HEATR5B: variants seen among roughly 807,000 people sequenced by gnomAD.
HEATR5B encodes HEAT repeat containing 5B.
A neutral mutation model predicts 224.1 loss-of-function variants in HEATR5B; 156 were observed. The ratio of observed to expected loss-of-function variants is 0.70; its 90% CI spans 0.61 to 0.80. The LOEUF (loss-of-function observed/expected upper bound fraction) is 0.80. HEATR5B is among the 30% of genes least tolerant of loss of function. The pLI, the probability that HEATR5B is intolerant of heterozygous loss-of-function variation, is 0.00. For synonymous variants in HEATR5B, 1,027 were observed against 893.0 expected, an observed-to-expected ratio of 1.15 and a Z score of -2.68; for missense variants, 2,323 against 2,535.5, an observed-to-expected ratio of 0.92 and a Z score of 1.80.
chr2:36,991,473 C>G (rs1256154257), intron 33 of HEATR5B, among the ~76,000 whole-genome samples: 3 of 116,464 alleles, frequency 2.6e-5, no homozygotes, highest in South Asian at 2.8e-4. Flanking sequence ...CCAGCCTGGG[C>G]AACAAAAGCG....
chr2:37,032,955 A>G (rs1164421069), intron 21 of HEATR5B, among the ~76,000 whole-genome samples, 182 bp from the exon 22 acceptor site: 2 of 150,624 alleles, frequency 1.3e-5, no homozygotes, highest in African/African-American at 4.9e-5. Context: ...ATCTCAGCTC[A>G]CTGCAACCTC....
At chr2:36,996,116 A>C (rs1354463698) in intron 33 of HEATR5B, among the ~76,000 whole-genome samples, 2 of 149,724 alleles carry the variant, frequency 1.3e-5, no homozygotes, top group Non-Finnish European at 3.0e-5. Flanking sequence ...GCTGGAGTGC[A>C]GTGGCGCGAT....
chr2:37,015,713 T>C (rs17020128), intron 26 of HEATR5B, among the ~76,000 whole-genome samples: 2,728 of 152,298 alleles, frequency 0.018, 219 homozygotes, highest in Admixed American at 0.15. Context: ...ATTTTGAACA[T>C]TTTTACATGC....
At chr2:37,066,054 T>C (rs763265602) in intron 8 of HEATR5B, 144 bp from the exon 9 acceptor site, 41 of 651,584 alleles carry the variant, frequency 6.3e-5, no homozygotes, top group Non-Finnish European at 8.6e-5. Context: ...AGAAAACTTG[T>C]AGAACTAAAC....
At chr2:37,005,825 A>T in intron 29 of HEATR5B, 66 bp from the exon 30 acceptor site, 1 of 1,263,842 alleles carries the variant, frequency 7.9e-7, no homozygotes, top group Non-Finnish European at 1.1e-6. Flanking sequence ...TTGATCCCAT[A>T]TTTCTTCTCT....
chr2:37,052,208 TA>T (rs1670602416), intron 17 of HEATR5B, among the ~76,000 whole-genome samples: 1 of 152,192 alleles, frequency 6.6e-6, no homozygotes, highest in Non-Finnish European at 1.5e-5. Flanking sequence ...TCAAACACTT[TA>T]TGATAGAGTG....
At position 37,010,267 on chromosome 2, in the gene HEATR5B, C is replaced by G. The variant is rs535557265; in HGVS notation, c.4285-1419G>C. Among the ~76,000 whole-genome samples the G allele has an allele frequency of 1.6e-4, 24 of 152,262 alleles. No individual in the cohort carries two copies. The East Asian group carries it at 4.6e-3, about 29-fold the overall frequency. Reference sequence around the variant, plus strand: ...TCTCGAGAAAACTGTCTTCCCTCCACAGTGTTACATCCATTGTACCTAACG... The same window carrying G: ...TCTCGAGAAAACTGTCTTCCCTCCAGAGTGTTACATCCATTGTACCTAACG... On this transcript the variant is annotated intron_variant, in intron 27 of 35. Transcript: ENST00000233099.
intron 32 of HEATR5B, among the ~76,000 whole-genome samples, chr2:37,001,057 T>C (rs1303627842): frequency 6.6e-6 from 1 of 152,224 alleles, no homozygotes; most frequent in Non-Finnish European, 1.5e-5. Flanking sequence ...CTTATTTTTA[T>C]TACTTCTAAT....
intron 20 of HEATR5B, among the ~76,000 whole-genome samples, chr2:37,038,833 G>A (rs1669682605): frequency 6.8e-6 from 1 of 147,138 alleles, no homozygotes; most frequent in Non-Finnish European, 1.5e-5. Flanking sequence ...CCGGGAGGCG[G>A]AGGTTGTAGC....
At chr2:36,999,661 A>C (rs781301795) in intron 33 of HEATR5B, among the ~76,000 whole-genome samples, 1 of 151,872 alleles carries the variant, frequency 6.6e-6, no homozygotes, top group Non-Finnish European at 1.5e-5. Flanking sequence ...ACTGGGCAAC[A>C]CAGTGAGACC....
intron 33 of HEATR5B, among the ~76,000 whole-genome samples, chr2:37,000,314 T>A (rs1667007665): frequency 6.6e-6 from 1 of 151,994 alleles, no homozygotes; most frequent in Non-Finnish European, 1.5e-5. Flanking sequence ...TGACCTCAGG[T>A]ATCTGCCCAC....
chr2:37,037,493 C>T (rs1449273011), intron 21 of HEATR5B, among the ~76,000 whole-genome samples: 2 of 151,802 alleles, frequency 1.3e-5, no homozygotes, highest in African/African-American at 4.8e-5. Context: ...CAAGATATTT[C>T]TTAAAAGGTA....
Position 37,005,698 on chromosome 2 carries a change from T to A in HEATR5B, c.4839A>T (p.Ala1613=). 6.2e-7 allele frequency: 1 copy of A among 1,611,624 alleles called. No homozygotes were observed. Among genetic ancestry groups the A allele is most frequent in the Non-Finnish European group, 8.5e-7 (1 of 1,178,154 alleles). ...RPEEPIEHVT[A]CLQALHTLLD... The stretch of plus-strand genomic sequence containing the variant: ...GCAAGGTATGTAAGGCCTGCAGGCA[T>A]GCTGTAACATGTTCAATGGGCTCCT... Residue 1613 remains alanine, a synonymous_variant, in exon 30 of 36, where the codon GCA becomes GCT. Coordinates refer to ENST00000233099, the MANE Select transcript of HEATR5B (RefSeq NM_019024.3).
intron 20 of HEATR5B, among the ~76,000 whole-genome samples, chr2:37,040,001 A>G (rs964430219): frequency 2.0e-5 from 3 of 152,236 alleles, no homozygotes; most frequent in African/African-American, 7.2e-5. Context: ...AAATGAAGCA[A>G]AAGTCCATGA....
In HEATR5B at chr2:37,028,864, G is replaced by C. The variant is rs758064764; in HGVS notation, c.3418C>G (p.Gln1140Glu). ...CCAGTTTCTGTTATATTAACACCTT[G>C]GTGCCGGCAATGGATATCAGTTCGA... ...SSRTDIHCRH[Q>E]GVNITETGLE... The change falls in exon 23 of 36, where the codon CAA becomes GAA. Residue 1140 changes from glutamine (Q) to glutamate (E), a missense_variant. By Grantham distance (29) the Gln-to-Glu change is conservative. Transcript: ENST00000233099. The C allele has an allele frequency of 1.1e-5, 18 of 1,613,768 alleles. No homozygotes were observed. Among genetic ancestry groups the C allele is most frequent in the Non-Finnish European group, 1.5e-5 (18 of 1,179,794 alleles).
intron 22 of HEATR5B, among the ~76,000 whole-genome samples, chr2:37,029,577 T>A (rs140814284): frequency 8.5e-5 from 13 of 152,206 alleles, no homozygotes; most frequent in African/African-American, 2.9e-4. Flanking sequence ...GGCAGGAGAA[T>A]CACCTGAACC....
At chr2:37,037,816 C>T (rs1027160449) in intron 21 of HEATR5B, 39 bp downstream of exon 21, 13 of 1,368,540 alleles carry the variant, frequency 9.5e-6, no homozygotes, top group Non-Finnish European at 1.2e-5. Flanking sequence ...AAATAAAATA[C>T]AACTTAAAAA....
intron 6 of HEATR5B, 134 bp downstream of exon 6, chr2:37,071,976 G>A (rs1020448808): frequency 2.2e-5 from 14 of 643,816 alleles, no homozygotes; most frequent in African/African-American, 1.3e-4. Flanking sequence ...GAGTCACCGC[G>A]CCCAGCCAGG....
chr2:36,987,727 G>T (rs946448057), intron 35 of HEATR5B, among the ~76,000 whole-genome samples: 2 of 151,940 alleles, frequency 1.3e-5, no homozygotes, highest in African/African-American at 2.4e-5. Context: ...GGTTATATTT[G>T]TTATAAAGCT....
Sources: gnomAD v4.1 joint callset for allele counts (sites outside exome capture counted in the v4.1 genomes callset) on GRCh38, gnomAD v4.1.1 for gene constraint, MANE v1.5 for transcripts, NCBI Gene and HGNC (gene_info 2026-07-23, HGNC 2026-07-21) for gene names.